Variants in AXL observed in about 807,000 individuals in gnomAD.
The protein encoded by AXL is tyrosine-protein kinase receptor UFO.
Under a neutral mutation model 104.5 loss-of-function variants are expected in AXL, and 52 were observed. The ratio of observed to expected loss-of-function variants is 0.50; its 90% CI spans 0.40 to 0.63. AXL has a LOEUF of 0.63. Ranked by LOEUF, AXL falls within the 20% of genes least tolerant of loss-of-function variation. The probability of loss-of-function intolerance (pLI) is 0.00; values close to 1 mark genes in which losing one functional copy is unlikely to be tolerated. For missense variants in AXL, 1,024 were observed against 1,188.5 expected (o/e 0.86, Z 2.04); for synonymous variants, 455 against 473.7 (o/e 0.96, Z 0.51).
At chr19:41,246,408 C>G (rs1323432389) in intron 12 of AXL, among the ~76,000 whole-genome samples, 1 of 150,900 alleles carries the variant, frequency 6.6e-6, no homozygotes, top group Non-Finnish European at 1.5e-5. Context: ...GGTTGTACCA[C>G]TGGACTTCAG....
At chr19:41,253,733 C>G (rs368559589) in intron 17 of AXL, 25 bp downstream of exon 17, 29 of 1,537,676 alleles carry the variant, frequency 1.9e-5, no homozygotes, top group Admixed American at 7.3e-5. Flanking sequence ...GGGACCCCCC[C>G]CCCCCAACTG....
intron 3 of AXL, chr19:41,221,584 G>T (rs986716269): frequency 6.0e-6 from 3 of 497,790 alleles, no homozygotes; most frequent in East Asian, 3.6e-5. Context: ...CTGTCCCCAC[G>T]ACCCCAGCGG....
At position 41,234,686 on chromosome 19, in the gene AXL, T is replaced by G. The variant is rs140135338; in HGVS notation, c.784-3258T>G. ...ATGCCCATTTTCCAGAGACAGAAAC[T>G]GAGACTCAGAGAAGTTAAGACACTC... On this transcript the variant is annotated intron_variant, in intron 6 of 19. Transcript: ENST00000301178. Among the ~76,000 whole-genome samples, 12 of 152,322 alleles carry G rather than the reference T, an allele frequency of 7.9e-5. No individual in the cohort carries two copies. The East Asian group carries it at 2.3e-3, about 29-fold the overall frequency.
At position 41,259,862 on chromosome 19, in the gene AXL, T is replaced by C. The variant is rs938770404; in HGVS notation, c.2643T>C (p.Asp881=). 4.4e-6 allele frequency: 7 copies of C among 1,605,140 alleles called. No individual in the cohort carries two copies. Among genetic ancestry groups the C allele is most frequent in the Non-Finnish European group, 6.0e-6 (7 of 1,174,494 alleles). ...STTPSPAQPA[D]RGSPAAPGQE... Reference sequence around the variant, plus strand: ...CCCCTAGCCCCGCTCAGCCTGCTGATAGGGGCTCCCCAGCAGCCCCAGGGC... The same window carrying C: ...CCCCTAGCCCCGCTCAGCCTGCTGACAGGGGCTCCCCAGCAGCCCCAGGGC... The change falls in exon 20 of 20, where the codon GAT becomes GAC. Residue 881 remains aspartate, a synonymous_variant. Transcript: ENST00000301178.
At chr19:41,229,300 G>T (rs2033936406) in intron 4 of AXL, among the ~76,000 whole-genome samples, 1 of 151,814 alleles carries the variant, frequency 6.6e-6, no homozygotes, top group Non-Finnish European at 1.5e-5. Flanking sequence ...GTCTCACTCT[G>T]TCACCCAGGT....
chr19:41,239,871 G>A (rs1041824742), intron 10 of AXL, 151 bp downstream of exon 10: 18 of 1,176,924 alleles, frequency 1.5e-5, no homozygotes, highest in Non-Finnish European at 2.1e-5. Flanking sequence ...CTTGATGGAG[G>A]TGCCTATAAT....
chr19:41,249,742 C>G (rs913772335), intron 14 of AXL, among the ~76,000 whole-genome samples: 1 of 150,600 alleles, frequency 6.6e-6, no homozygotes, highest in Admixed American at 6.6e-5. Context: ...GGCGACAGAG[C>G]AAGACTCCGT....
Position 41,256,080 on chromosome 19 carries a change from G to GGTGTGT in AXL, c.2037-356_2037-351dup, listed in dbSNP as rs71177704. 3.8e-3 allele frequency among the ~76,000 whole-genome samples: 578 copies of GGTGTGT among 150,612 alleles called. 14 individuals are homozygous for GGTGTGT. The highest frequency in any genetic ancestry group is 0.028 in the Admixed American group (415 of 15,090). On this transcript the variant is annotated intron_variant, in intron 17 of 19. Coordinates refer to ENST00000301178, the MANE Select transcript of AXL (RefSeq NM_021913.5). ...TCTTAATCTGGGTGCTGGTTACATG[G>GGTGTGT]GTGTGTGTGTGTGTGTGTGTGAAAA...
chr19:41,251,812 G>A (rs1387108251), intron 14 of AXL, among the ~76,000 whole-genome samples: 1 of 151,820 alleles, frequency 6.6e-6, no homozygotes, highest in African/African-American at 2.4e-5. Context: ...AAGATTAAAT[G>A]AGTTAATATA....
intron 10 of AXL, among the ~76,000 whole-genome samples, chr19:41,241,438 G>A (rs2034178479): frequency 6.6e-6 from 1 of 151,504 alleles, no homozygotes; most frequent in Non-Finnish European, 1.5e-5. Context: ...CAGCTGCTCG[G>A]GAGGCTGAGG....
intron 12 of AXL, among the ~76,000 whole-genome samples, chr19:41,245,084 C>G (rs2034249389): frequency 6.6e-6 from 1 of 152,004 alleles, no homozygotes; most frequent in African/African-American, 2.4e-5. Context: ...GCACATGCCA[C>G]AACGCCTGGC....
At chr19:41,222,134 C>T in intron 4 of AXL, 78 bp downstream of exon 4, 1 of 1,366,102 alleles carries the variant, frequency 7.3e-7, no homozygotes. Flanking sequence ...ACATTGCTAC[C>T]TCTGCGTGAG....
chr19:41,256,869 T>C (rs939180926), intron 18 of AXL, among the ~76,000 whole-genome samples: 5 of 152,122 alleles, frequency 3.3e-5, no homozygotes, highest in African/African-American at 9.7e-5. Flanking sequence ...GAAGCTGCAG[T>C]GATTATGCGT....
rs764535866 is a variant in AXL, at chr19:41,253,725, G to A, written c.2036+17G>A. 9.4e-6 allele frequency: 14 copies of A among 1,497,094 alleles called. No individual in the cohort carries two copies. In the South Asian group the frequency reaches 1.3e-4, roughly 14 times the overall value. The allele number at this position is 1,497,094 out of a possible 1,614,324, so 92.7% of individuals were successfully genotyped here. A position where few individuals can be genotyped will look rare whatever the true frequency, so the allele number is the denominator to read the frequency against. On this transcript the variant is annotated intron_variant, in intron 17 of 19. Transcript: ENST00000301178. ...GAACTGCATGTGAGTGCCTTTCAGG[G>A]ACCCCCCCCCCCCAACTGCTCCTGC... is the stretch of plus-strand genomic sequence containing the variant.
intron 16 of AXL, 78 bp downstream of exon 16, chr19:41,253,045 G>GA: frequency 6.7e-7 from 1 of 1,500,736 alleles, no homozygotes; most frequent in Non-Finnish European, 9.1e-7. Flanking sequence ...CAGACCCTGG[G>GA]AAGACCACGG....
At chr19:41,237,913 G>A (rs551157335) in intron 6 of AXL, 31 bp from the exon 7 acceptor site, 1 of 1,598,806 alleles carries the variant, frequency 6.3e-7, no homozygotes, top group African/African-American at 1.3e-5. Flanking sequence ...TTGCTTGGCT[G>A]TCCCGTCCTC....
At position 41,253,720 on chromosome 19, in the gene AXL, T is replaced by C. The variant is rs2122280777; in HGVS notation, c.2036+12T>C. On this transcript the variant is annotated intron_variant, in intron 17 of 19. Transcript: ENST00000301178. ...GCCAGGAACTGCATGTGAGTGCCTTTCAGGGACCCCCCCCCCCCAACTGCT... is the reference window on the plus strand; with the variant it reads ...GCCAGGAACTGCATGTGAGTGCCTTCCAGGGACCCCCCCCCCCCAACTGCT... The C allele has an allele frequency of 1.3e-6, 2 of 1,555,776 alleles. No individual in the cohort carries two copies. Among genetic ancestry groups the C allele is most frequent in the Non-Finnish European group, 1.7e-6 (2 of 1,144,344 alleles).
intron 12 of AXL, among the ~76,000 whole-genome samples, chr19:41,245,676 T>G (rs532900070): frequency 6.9e-6 from 1 of 144,376 alleles, no homozygotes; most frequent in African/African-American, 2.6e-5. Flanking sequence ...ATCGTGCCAC[T>G]GCACTTCAGC....
rs1306657565 is a variant in AXL at position 41,221,198 on chromosome 19, C to T, written c.361C>T (p.Leu121=). 6.2e-7 allele frequency: 1 copy of T among 1,614,044 alleles called. No individual in the cohort carries two copies. Among genetic ancestry groups the T allele is most frequent in the Admixed American group, 1.7e-5 (1 of 59,988 alleles). The part of the protein sequence containing the change: ...DTGQYQCLVF[L]GHQTFVSQPG... ...GGGACAGTACCAGTGTTTGGTGTTTCTGGGACATCAGACCTTCGTGTCCCA... is the reference window on the plus strand; with the variant it reads ...GGGACAGTACCAGTGTTTGGTGTTTTTGGGACATCAGACCTTCGTGTCCCA... The change falls in exon 3 of 20, where the codon CTG becomes TTG. Residue 121 remains leucine (L), a synonymous_variant. Coordinates refer to ENST00000301178, the MANE Select transcript of AXL (RefSeq NM_021913.5).
Sources: gnomAD v4.1 joint callset for allele counts (sites outside exome capture counted in the v4.1 genomes callset) on GRCh38, gnomAD v4.1.1 for gene constraint, MANE v1.5 for transcripts, NCBI Gene and HGNC (gene_info 2026-07-23, HGNC 2026-07-21) for gene names.